Variants in ARHGAP32 observed in about 807,000 individuals in gnomAD.
ARHGAP32 encodes Rho GTPase activating protein 32.
Under a neutral mutation model 186.5 loss-of-function variants are expected in ARHGAP32, and 51 were observed. The ratio of observed to expected loss-of-function variants is 0.27; its 90% CI spans 0.22 to 0.35. The LOEUF is 0.35. ARHGAP32 is among the 10% of genes least tolerant of loss of function. The probability of loss-of-function intolerance (pLI) is 1.00; values close to 1 mark genes in which losing one functional copy is unlikely to be tolerated. For missense variants in ARHGAP32, 2,186 were observed against 2,623.5 expected (o/e 0.83, Z 3.64); for synonymous variants, 950 against 964.3 (o/e 0.99, Z 0.27).
At chr11:128,991,110 G>C (rs562195701) in intron 12 of ARHGAP32, among the ~76,000 whole-genome samples, 2 of 152,130 alleles carry the variant, frequency 1.3e-5, no homozygotes, top group African/African-American at 4.8e-5. Context: ...GTATATCTGT[G>C]TGTTATTAGA....
chr11:129,215,427 C>T (rs1944633353), intron 1 of ARHGAP32, among the ~76,000 whole-genome samples: 3 of 152,110 alleles, frequency 2.0e-5, no homozygotes, highest in African/African-American at 7.2e-5. Context: ...ACTCCAAATT[C>T]AATGACTTAA....
intron 1 of ARHGAP32, among the ~76,000 whole-genome samples, chr11:129,177,610 C>T (rs1051391621): frequency 2.6e-5 from 4 of 152,112 alleles, no homozygotes; most frequent in Non-Finnish European, 5.9e-5. Context: ...GGCTTCATCC[C>T]TGGGATGCAA....
intron 10 of ARHGAP32, among the ~76,000 whole-genome samples, chr11:129,057,720 A>T: frequency 6.9e-6 from 1 of 145,408 alleles, no homozygotes; most frequent in Admixed American, 6.8e-5. Context: ...AAAAAAAAAA[A>T]TCTGTGTATT....
At chr11:128,983,541 G>GT (rs370896729) in intron 15 of ARHGAP32, among the ~76,000 whole-genome samples, 16,760 of 151,720 alleles carry the variant, frequency 0.11, 1,189 homozygotes, top group Non-Finnish European at 0.15. Flanking sequence ...TATACCTAAT[G>GT]TAAATGACGA....
Position 129,123,326 on chromosome 11 carries a change from A to G in ARHGAP32, c.444+120T>C. 3 of 765,576 alleles carry G rather than the reference A, an allele frequency of 3.9e-6. No individual in the cohort carries two copies. The highest frequency in any genetic ancestry group is 6.2e-6 in the Non-Finnish European group (3 of 481,290). 47.4% of individuals were successfully genotyped at this position (765,576 alleles called of 1,614,324 possible). A position where few individuals can be genotyped will look rare whatever the true frequency, so the allele number is the denominator to read the frequency against. On this transcript the variant is annotated intron_variant, in intron 5 of 22. Coordinates refer to ENST00000682385, the MANE Select transcript of ARHGAP32 (RefSeq NM_001378024.1). This position sits in a 1 kb window ranked among gnomAD's most constrained non-coding sequence, Gnocchi z 4.6. ...ATTTTACCTCAACCAATAAGACATCAATTAAAAAAAAAACTACTTCAAAGT... is the reference window on the plus strand; with the variant it reads ...ATTTTACCTCAACCAATAAGACATCGATTAAAAAAAAAACTACTTCAAAGT...
At chr11:129,209,314 A>AG (rs1944551426) in intron 1 of ARHGAP32, among the ~76,000 whole-genome samples, 1 of 152,094 alleles carries the variant, frequency 6.6e-6, no homozygotes, top group Non-Finnish European at 1.5e-5. Flanking sequence ...AAAAGAAGTT[A>AG]GAGAGAGGCA....
chr11:129,088,000 C>T (rs534091941), intron 6 of ARHGAP32, among the ~76,000 whole-genome samples: 5 of 152,162 alleles, frequency 3.3e-5, no homozygotes, highest in Admixed American at 6.5e-5. Flanking sequence ...CAAATGCCTT[C>T]GGGAGCTTCA....
chr11:129,246,639 T>C (rs1201366404), intron 1 of ARHGAP32, among the ~76,000 whole-genome samples: 1 of 152,088 alleles, frequency 6.6e-6, no homozygotes, highest in Admixed American at 6.5e-5. Flanking sequence ...GAGATGAAAA[T>C]CATGCTCTCC....
At chr11:129,138,201 G>A (rs946301000) in intron 2 of ARHGAP32, among the ~76,000 whole-genome samples, 6 of 151,318 alleles carry the variant, frequency 4.0e-5, no homozygotes, top group Non-Finnish European at 8.9e-5. Context: ...GTATGGGGAT[G>A]GGGAGCAAAC....
intron 1 of ARHGAP32, among the ~76,000 whole-genome samples, chr11:129,207,469 T>C (rs910260404): frequency 1.3e-5 from 2 of 152,250 alleles, no homozygotes; most frequent in African/African-American, 4.8e-5. Context: ...TGGTTTTGAT[T>C]TGCATTTCTC....
In ARHGAP32 at chr11:128,972,553, C is replaced by G. The variant is rs761451307; in HGVS notation, c.3953G>C (p.Arg1318Pro). The stretch of plus-strand genomic sequence containing the variant: ...CTGGGAAGGCGGAGGGGGAAGGGGA[C>G]GATTAGTTCTGTGCGTGCGCTGAAG... ...ATLQRTHRTN[R>P]PLPPPPSQRS... is the part of the protein sequence containing the mutation. Residue 1318 changes from arginine (R) to proline (P), a missense_variant, in exon 22 of 23, where the codon CGT (arginine) becomes CCT (proline). Transcript: ENST00000682385. 1 of 1,578,472 alleles carries G rather than the reference C, an allele frequency of 6.3e-7. No individual in the cohort carries two copies. Among genetic ancestry groups the G allele is most frequent in the Non-Finnish European group, 8.6e-7 (1 of 1,160,456 alleles).
intron 11 of ARHGAP32, among the ~76,000 whole-genome samples, chr11:129,003,630 A>T (rs1230232342): frequency 1.3e-5 from 2 of 152,066 alleles, no homozygotes; most frequent in African/African-American, 2.4e-5. Context: ...CATGTCTAGG[A>T]GTTTATCCAC....
intron 2 of ARHGAP32, among the ~76,000 whole-genome samples, chr11:129,158,351 C>T (rs1943457033): frequency 6.8e-6 from 1 of 146,980 alleles, no homozygotes; most frequent in Non-Finnish European, 1.5e-5. Context: ...CGCACATAGG[C>T]TCAAAATAAA....
intron 10 of ARHGAP32, among the ~76,000 whole-genome samples, chr11:129,044,565 G>C (rs535508751): frequency 3.3e-5 from 5 of 152,300 alleles, no homozygotes; most frequent in South Asian, 2.1e-4. Flanking sequence ...AGAACTGCTA[G>C]AGGGCTCTAG....
At chr11:129,249,661 G>C (rs1945152372) in intron 1 of ARHGAP32, among the ~76,000 whole-genome samples, 1 of 152,130 alleles carries the variant, frequency 6.6e-6, no homozygotes, top group Admixed American at 6.5e-5. Flanking sequence ...ACTATAAGAA[G>C]AAGAAAGCCA....
chr11:129,094,787 C>T (rs1941684906), intron 5 of ARHGAP32, among the ~76,000 whole-genome samples: 1 of 152,154 alleles, frequency 6.6e-6, no homozygotes, highest in Admixed American at 6.5e-5. Context: ...AACGCGGTCC[C>T]AGAGATGGAC....
intron 16 of ARHGAP32, 43 bp from the exon 17 acceptor site, chr11:128,981,604 G>A (rs879146740): frequency 6.4e-7 from 1 of 1,562,534 alleles, no homozygotes; most frequent in Non-Finnish European, 8.7e-7. Context: ...AAAGATAGCA[G>A]TCGTCAAGGG....
chr11:129,077,770 C>A (rs554197959), intron 6 of ARHGAP32, among the ~76,000 whole-genome samples: 1 of 152,226 alleles, frequency 6.6e-6, no homozygotes, highest in African/African-American at 2.4e-5. Context: ...ACCTGAGAAA[C>A]CAAACTACTT....
intron 1 of ARHGAP32, among the ~76,000 whole-genome samples, chr11:129,244,608 A>C (rs1257834979): frequency 6.6e-6 from 1 of 152,066 alleles, no homozygotes; most frequent in African/African-American, 2.4e-5. Flanking sequence ...GGATCTAATT[A>C]AACTAAAGAG....
Sources: gnomAD v4.1 joint callset for allele counts (sites outside exome capture counted in the v4.1 genomes callset) on GRCh38, gnomAD v4.1.1 for gene constraint, Gnocchi (gnomAD v3.1) non-coding constraint, MANE v1.5 for transcripts, NCBI Gene and HGNC (gene_info 2026-07-23, HGNC 2026-07-21) for gene names.